Variants in NPRL3 observed in about 807,000 individuals in gnomAD.
NPRL3 encodes the protein NPR3 like, GATOR1 complex subunit.
Under a neutral mutation model 57.2 loss-of-function variants are expected in NPRL3, and 23 were observed. The ratio of observed to expected loss-of-function variants is 0.40; its 90% CI spans 0.29 to 0.57. The LOEUF is 0.57. Ranked by LOEUF, NPRL3 falls within the 20% of genes least tolerant of loss-of-function variation. The pLI is 0.42. For missense variants in NPRL3, 691 were observed against 767.1 expected (o/e 0.90, Z 1.17); for synonymous variants, 333 against 321.1 (o/e 1.04, Z -0.39).
chr16:130,535 C>G lies in NPRL3; in HGVS notation c.175G>C (p.Asp59His). The G allele has an allele frequency of 6.4e-7, 1 of 1,552,988 alleles. No individual in the cohort carries two copies. The highest frequency in any genetic ancestry group is 8.7e-7 in the Non-Finnish European group (1 of 1,148,036). Residue 59 changes from aspartate to histidine, a missense_variant, in exon 3 of 14, where the codon GAC (aspartate) becomes CAC (histidine). Asp to His is a moderately conservative substitution (Grantham distance 81). Coordinates refer to ENST00000611875, the MANE Select transcript of NPRL3 (RefSeq NM_001077350.3). ...CAGAGCCTTTACCTGGAATCGCCGT[C>G]CTGCTCATCAGCATGGTCGCCCGTG... is the stretch of plus-strand genomic sequence containing the variant. ...SNTGDHADEQ[D>H]GDSRFSDVIL...
chr16:119,714 G>A (rs1024124299), intron 3 of NPRL3, among the ~76,000 whole-genome samples: 1 of 152,208 alleles, frequency 6.6e-6, no homozygotes, highest in Non-Finnish European at 1.5e-5. Flanking sequence ...CCAAAGAGCC[G>A]CGTGGAGGGC....
intron 2 of NPRL3, among the ~76,000 whole-genome samples, chr16:135,805 T>C (rs939045264): frequency 6.6e-6 from 1 of 152,058 alleles, no homozygotes; most frequent in African/African-American, 2.4e-5. Context: ...ACAGGGTGAC[T>C]ATAGCTTTGT....
At chr16:112,556 G>T in intron 6 of NPRL3, 66 bp downstream of exon 6, 1 of 1,379,294 alleles carries the variant, frequency 7.3e-7, no homozygotes, top group Non-Finnish European at 9.5e-7. Flanking sequence ...CCTCCACAGA[G>T]GTCTGCGCTG....
chr16:86,511 G>A lies in NPRL3; in HGVS notation c.*194C>T, dbSNP rs1313924051. The stretch of plus-strand genomic sequence containing the variant: ...AAGCGTAGGAACACAGAGGGCAGCA[G>A]CCCCACAGCGGAACCACCAGGGGCA... On this transcript the variant is annotated 3_prime_UTR_variant, in exon 14 of 14. Transcript: ENST00000611875. The A allele has an allele frequency of 1.7e-6, 1 of 594,346 alleles. No individual in the cohort carries two copies. Among genetic ancestry groups the A allele is most frequent in the South Asian group, 2.1e-5 (1 of 47,764 alleles). The allele number at this position is 594,346 out of a possible 1,614,324, so 36.8% of individuals were successfully genotyped here.
At chr16:134,429 G>C (rs948169553) in intron 2 of NPRL3, among the ~76,000 whole-genome samples, 1 of 152,078 alleles carries the variant, frequency 6.6e-6, no homozygotes, top group Non-Finnish European at 1.5e-5. Flanking sequence ...CAATGGAAAA[G>C]CTAATAAGGG....
intron 13 of NPRL3, 70 bp from the exon 14 acceptor site, chr16:86,940 G>A: frequency 1.3e-6 from 2 of 1,481,508 alleles, no homozygotes; most frequent in Non-Finnish European, 1.8e-6. Flanking sequence ...AAGAGCCACT[G>A]CTGGGAATCA....
At chr16:93,568 T>C (rs1013378153) in intron 9 of NPRL3, among the ~76,000 whole-genome samples, 1 of 148,866 alleles carries the variant, frequency 6.7e-6, no homozygotes, top group African/African-American at 2.5e-5. Context: ...GCAATGGTTT[T>C]TTTTTTTTTT....
At position 123,165 on chromosome 16, in the gene NPRL3, A is replaced by AG. The variant is rs371781815; in HGVS notation, c.189-3911dup. ...CGGCAGTGGACTAGGGAGATGACAG[A>AG]GTCCACTCCTGCTTGCCCGCCACCC... On this transcript the variant is annotated intron_variant, in intron 3 of 13. Coordinates refer to ENST00000611875, the MANE Select transcript of NPRL3 (RefSeq NM_001077350.3). Among the ~76,000 whole-genome samples, 88 of 152,308 alleles carry AG rather than the reference A, an allele frequency of 5.8e-4. 1 individual carries two copies. Among genetic ancestry groups the AG allele is most frequent in the African/African-American group, 1.9e-3 (80 of 41,566 alleles).
chr16:97,410 A>ATTTTTTTTTTTTTT (rs34410203), intron 9 of NPRL3, among the ~76,000 whole-genome samples: 123 of 114,990 alleles, frequency 1.1e-3, no homozygotes, highest in Middle Eastern at 5.3e-3. Flanking sequence ...ACACCCAGCT[A>ATTTTTTTTTTTTTT]TTTTTTTTTT....
chr16:90,011 C>T (rs1052430838), intron 11 of NPRL3, 109 bp from the exon 12 acceptor site: 32 of 1,043,612 alleles, frequency 3.1e-5, no homozygotes, highest in Admixed American at 1.3e-4. Context: ...CCTGTGCTGA[C>T]GCACAGGCAG....
At chr16:89,948 T>A in intron 11 of NPRL3, 46 bp from the exon 12 acceptor site, 4 of 1,506,588 alleles carry the variant, frequency 2.7e-6, no homozygotes, top group Non-Finnish European at 3.6e-6. Context: ...CCACTCCAAC[T>A]TCCTCCTGGG....
chr16:118,080 C>CTG (rs1900124201), intron 4 of NPRL3, among the ~76,000 whole-genome samples: 1 of 152,156 alleles, frequency 6.6e-6, no homozygotes. Flanking sequence ...GCTGTGGAGG[C>CTG]TGTGATGAGA....
At chr16:87,589 C>T (rs1293784832) in intron 13 of NPRL3, among the ~76,000 whole-genome samples, 1 of 148,514 alleles carries the variant, frequency 6.7e-6, no homozygotes, top group Non-Finnish European at 1.5e-5. Context: ...GCTGGAGGTG[C>T]AGTGGCGCGA....
intron 2 of NPRL3, among the ~76,000 whole-genome samples, chr16:134,993 G>C (rs529480386): frequency 6.6e-6 from 1 of 152,038 alleles, no homozygotes. Flanking sequence ...GAGCCACCGC[G>C]CCCGGCCAAG....
intron 7 of NPRL3, among the ~76,000 whole-genome samples, chr16:104,812 G>A (rs1402202146): frequency 6.6e-6 from 1 of 152,216 alleles, no homozygotes; most frequent in African/African-American, 2.4e-5. Context: ...GAACATGTCA[G>A]AGGGATGACT....
In NPRL3 at chr16:86,696, C is replaced by T. The variant is rs555428822; in HGVS notation, c.*9G>A. 1.4e-5 allele frequency: 22 copies of T among 1,545,962 alleles called. No homozygotes were observed. Among genetic ancestry groups the T allele is most frequent in the South Asian group, 8.3e-5 (7 of 84,034 alleles). On this transcript the variant is annotated 3_prime_UTR_variant, in exon 14 of 14. Transcript: ENST00000611875. ...CGCACCCCAGCAGCCTTCCGCCCTC[C>T]GCCTGGGCTCAGGGGAGCAGAGCCT...
chr16:136,323 C>A (rs1004776846), intron 2 of NPRL3, among the ~76,000 whole-genome samples: 1 of 152,224 alleles, frequency 6.6e-6, no homozygotes, highest in Admixed American at 6.5e-5. Flanking sequence ...ATCAAAGATG[C>A]AGACATGAAG....
intron 5 of NPRL3, among the ~76,000 whole-genome samples, chr16:115,490 CT>C (rs11441743): frequency 1.8e-4 from 26 of 144,960 alleles, no homozygotes; most frequent in Admixed American, 1.4e-4. Flanking sequence ...TTTCCTGTTG[CT>C]TTTTTTTTTT....
At position 86,747 on chromosome 16, in the gene NPRL3, G is replaced by C. The variant is rs370315887; in HGVS notation, c.1668C>G (p.His556Gln). The C allele has an allele frequency of 1.3e-6, 2 of 1,581,136 alleles. No individual in the cohort carries two copies. The highest frequency in any genetic ancestry group is 1.7e-6 in the Non-Finnish European group (2 of 1,164,824). ...GGAAGACGGCAATGACAGGGTCCTC[G>C]TGGGTGGTCACCACCAGCACGCTGC... ...KFRSVLVVTT[H>Q]EDPVIAVFQA... Residue 556 changes from histidine to glutamine, a missense_variant, in exon 14 of 14, where the codon CAC becomes CAG. Coordinates refer to ENST00000611875, the MANE Select transcript of NPRL3 (RefSeq NM_001077350.3).
Sources: gnomAD v4.1 joint callset for allele counts (sites outside exome capture counted in the v4.1 genomes callset) on GRCh38, gnomAD v4.1.1 for gene constraint, MANE v1.5 for transcripts, NCBI Gene and HGNC (gene_info 2026-07-23, HGNC 2026-07-21) for gene names.